ZFHX3: variants seen among roughly 807,000 people sequenced by gnomAD.
ZFHX3 encodes the protein zinc finger homeobox 3.
In ZFHX3, 42 loss-of-function variants were observed where a neutral mutation model predicts 279.1. That is an observed-to-expected ratio of 0.15 (90% CI 0.12 to 0.19). ZFHX3 has a LOEUF of 0.19. ZFHX3 is among the 10% of genes least tolerant of loss of function. The probability of loss-of-function intolerance (pLI) is 1.00; values close to 1 mark genes in which losing one functional copy is unlikely to be tolerated. For missense variants in ZFHX3, 4,981 were observed against 4,754.0 expected (o/e 1.05, Z -1.40); for synonymous variants, 2,293 against 1,957.8 (o/e 1.17, Z -4.52).
At chr16:73,220,249 C>A (rs985770631) in intron 5 of ZFHX3, among the ~76,000 whole-genome samples, 4 of 152,082 alleles carry the variant, frequency 2.6e-5, no homozygotes, top group Admixed American at 2.6e-4. Flanking sequence ...GGGTACTATG[C>A]TTACTACCTG....
chr16:73,701,633 C>T (rs183530105), intron 1 of ZFHX3, among the ~76,000 whole-genome samples: 10 of 152,140 alleles, frequency 6.6e-5, no homozygotes, highest in African/African-American at 9.6e-5. Context: ...ATTGAGAAAA[C>T]GATAAATCAC....
intron 4 of ZFHX3, among the ~76,000 whole-genome samples, chr16:72,863,080 C>T (rs901390086): frequency 6.6e-6 from 1 of 151,488 alleles, no homozygotes; most frequent in Non-Finnish European, 1.5e-5. Flanking sequence ...CCTGCCTCTA[C>T]AAAAATGAAA....
chr16:73,352,677 G>A (rs1390812391), intron 3 of ZFHX3, among the ~76,000 whole-genome samples: 1 of 151,798 alleles, frequency 6.6e-6, no homozygotes, highest in Non-Finnish European at 1.5e-5. Context: ...TAGTGATGCG[G>A]TCTTGCTATG....
At chr16:72,928,193 G>A (rs1432223281) in intron 3 of ZFHX3, among the ~76,000 whole-genome samples, 2,025 of 45,008 alleles carry the variant, frequency 0.045, 486 homozygotes, top group African/African-American at 0.087. Flanking sequence ...GAGGGAGGGG[G>A]AGGGGAGCGA....
chr16:73,757,169 G>A (rs935748723), intron 1 of ZFHX3, among the ~76,000 whole-genome samples: 1 of 152,160 alleles, frequency 6.6e-6, no homozygotes, highest in African/African-American at 2.4e-5. Context: ...GTATGGCTGG[G>A]GTGGAAAGGG....
chr16:72,992,454 A>C (rs1290407487), intron 1 of ZFHX3, among the ~76,000 whole-genome samples: 3 of 152,164 alleles, frequency 2.0e-5, no homozygotes, highest in African/African-American at 7.2e-5. Context: ...CTGTAAACGG[A>C]TCTAATGTGA....
rs117892015 is a variant in ZFHX3, at chr16:73,006,497, C to T, written c.-50+41255G>A. ...TTAAAGCCCAGCATGGTGGTGTGTGCCTGTAGTCCCAGCTACTCAAGGTGA... is the reference window on the plus strand; with the variant it reads ...TTAAAGCCCAGCATGGTGGTGTGTGTCTGTAGTCCCAGCTACTCAAGGTGA... On this transcript the variant is annotated intron_variant, in intron 1 of 9. Coordinates refer to ENST00000268489, the MANE Select transcript of ZFHX3 (RefSeq NM_006885.4). 6.5e-3 allele frequency among the ~76,000 whole-genome samples: 985 copies of T among 152,118 alleles called. 30 individuals are homozygous for T. The East Asian group carries it at 0.091, about 14-fold the overall frequency.
rs1355952353 is a variant in ZFHX3 at position 73,382,245 on chromosome 16, G to C, written c.-1290-63909C>G. Among the ~76,000 whole-genome samples, 4 of 152,278 alleles carry C rather than the reference G, an allele frequency of 2.6e-5. No homozygotes were observed. In the South Asian group the frequency reaches 8.3e-4, roughly 32 times the overall value. On this transcript the variant is annotated intron_variant, in intron 3 of 17. Coordinates refer to the ZFHX3 transcript ENST00000641206. ...TATCCATCATAAGTCAGAAAATTCA[G>C]AAGCCATAAAAGAAAAGCTGGACCT...
chr16:73,319,299 G>A (rs929060323), intron 3 of ZFHX3, among the ~76,000 whole-genome samples: 1 of 151,944 alleles, frequency 6.6e-6, no homozygotes, highest in Non-Finnish European at 1.5e-5. Flanking sequence ...GCAGGCAGAC[G>A]AGATACATGT....
chr16:72,920,528 GA>G lies in ZFHX3; in HGVS notation c.3216+29940del, dbSNP rs562355605. 5.7e-3 allele frequency among the ~76,000 whole-genome samples: 831 copies of G among 146,244 alleles called. 5 individuals are homozygous for G. Among genetic ancestry groups the G allele is most frequent in the South Asian group, 0.023 (106 of 4,604 alleles). On this transcript the variant is annotated intron_variant, in intron 3 of 9. Transcript: ENST00000268489. ...AACCCCGTCTCTACTAAAAATACAA[GA>G]AAAAAAAAAATTATCTGGACTTGGT...
intron 2 of ZFHX3, among the ~76,000 whole-genome samples, chr16:73,545,748 G>A (rs1266105659): frequency 6.6e-6 from 1 of 150,748 alleles, no homozygotes; most frequent in Non-Finnish European, 1.5e-5. Context: ...CCAAAGAACA[G>A]GTCAGGAAAC....
rs369964901 is a variant in ZFHX3, at chr16:73,127,802, A to C, written c.-897+3166T>G. Among the ~76,000 whole-genome samples the C allele has an allele frequency of 3.3e-5, 5 of 152,328 alleles. No individual in the cohort carries two copies. In the South Asian group the frequency reaches 1.0e-3, roughly 32 times the overall value. On this transcript the variant is annotated intron_variant, in intron 7 of 17. Coordinates refer to the ZFHX3 transcript ENST00000641206. ...AATGGTGCCATATAGTGTAGTTAAG[A>C]GACTGGCTGATGACTTATTTTCCTG...
In ZFHX3 at chr16:73,656,603, G is replaced by T. The variant is rs532103413; in HGVS notation, c.-1547+23577C>A. On this transcript the variant is annotated intron_variant, in intron 2 of 17. Transcript: ENST00000641206. The stretch of plus-strand genomic sequence containing the variant: ...TTATCCAATAACCTTAGTGTGTGGG[G>T]GTGTGTGCCTGTGTTTTACATAATT... 2.6e-5 allele frequency among the ~76,000 whole-genome samples: 4 copies of T among 152,152 alleles called. No homozygotes were observed. The East Asian group carries it at 5.8e-4, about 22-fold the overall frequency.
chr16:73,075,000 G>T (rs1468746029), intron 8 of ZFHX3, among the ~76,000 whole-genome samples: 1 of 152,068 alleles, frequency 6.6e-6, no homozygotes, highest in Non-Finnish European at 1.5e-5. Flanking sequence ...TAGAGACGGG[G>T]TTTTGCCATG....
At chr16:73,003,512 A>ACCCC (rs142323888) in intron 1 of ZFHX3, among the ~76,000 whole-genome samples, 8 of 120,732 alleles carry the variant, frequency 6.6e-5, no homozygotes, top group South Asian at 2.8e-4. Context: ...ACATGGTGAG[A>ACCCC]CCCCCCCCTC....
chr16:73,037,871 A>T (rs1964968280), intron 1 of ZFHX3, among the ~76,000 whole-genome samples: 1 of 152,122 alleles, frequency 6.6e-6, no homozygotes, highest in Non-Finnish European at 1.5e-5. Flanking sequence ...GCCAGGATTC[A>T]AAAGATAAAG....
intron 1 of ZFHX3, among the ~76,000 whole-genome samples, chr16:73,854,558 T>G (rs546127249): frequency 3.3e-5 from 5 of 151,882 alleles, no homozygotes; most frequent in Admixed American, 6.6e-5. Context: ...TTATTTTAGA[T>G]GGAAAATAAG....
intron 5 of ZFHX3, among the ~76,000 whole-genome samples, chr16:73,176,869 T>A (rs1278832970): frequency 6.6e-6 from 1 of 151,982 alleles, no homozygotes; most frequent in African/African-American, 2.4e-5. Flanking sequence ...ATCAGAGCAA[T>A]TTTTTTCATC....
chr16:72,839,052 T>G (rs2037275795), intron 4 of ZFHX3, among the ~76,000 whole-genome samples: 1 of 152,192 alleles, frequency 6.6e-6, no homozygotes, highest in East Asian at 1.9e-4. Context: ...TTAGTTCCCT[T>G]GGATTTCTAC....
Sources: allele counts gnomAD v4.1 joint callset (sites outside exome capture counted in the v4.1 genomes callset), GRCh38; gene constraint gnomAD v4.1.1; transcripts MANE v1.5; gene names NCBI Gene and HGNC (gene_info 2026-07-23, HGNC 2026-07-21).